CNNM4: variants seen among roughly 807,000 people sequenced by gnomAD.
The protein encoded by CNNM4 is metal transporter CNNM4.
Under a neutral mutation model 53.7 loss-of-function variants are expected in CNNM4, and 32 were observed. The observed-to-expected ratio is 0.60, with a 90% CI of 0.45 to 0.80. The LOEUF is 0.80. Ranked by LOEUF, CNNM4 falls within the 30% of genes least tolerant of loss-of-function variation. CNNM4 has a pLI of 0.00. For synonymous variants in CNNM4, 410 were observed against 440.0 expected (o/e 0.93, Z 0.85); for missense variants, 784 against 1,022.0 (o/e 0.77, Z 3.17).
intron 1 of CNNM4, among the ~76,000 whole-genome samples, chr2:96,791,250 A>G (rs2079059955): frequency 6.6e-6 from 1 of 152,242 alleles, no homozygotes; most frequent in Admixed American, 6.5e-5. Flanking sequence ...TTTCAGGTGT[A>G]AGCCACAGCG....
Position 96,767,008 on chromosome 2 carries a change from G to T in CNNM4, c.1402+4607G>T, listed in dbSNP as rs1288367303. Among the ~76,000 whole-genome samples the T allele has an allele frequency of 2.0e-5, 3 of 152,164 alleles. 1 individual carries two copies. In the East Asian group the frequency reaches 5.8e-4, roughly 29 times the overall value. On this transcript the variant is annotated intron_variant, in intron 1 of 6. Transcript: ENST00000377075. ...AGTGTGATGCATGGTTCCTCTCCAT[G>T]TGCCTCAGTTTCCCCACCAGTAAGT...
intron 5 of CNNM4, among the ~76,000 whole-genome samples, chr2:96,802,138 T>C (rs1156245100): frequency 1.4e-5 from 2 of 144,014 alleles, no homozygotes; most frequent in African/African-American, 5.2e-5. Context: ...GACACACAGA[T>C]ACCACACACA....
In CNNM4 at chr2:96,810,675, C is replaced by T. The variant is rs760774484; in HGVS notation, c.*1158C>T. Reference sequence around the variant, plus strand: ...GCCACGGAAGCAGGTTCTTTATGTCCTCTCCTCTGTGGCTGGCAAGGCTCA... The same window carrying T: ...GCCACGGAAGCAGGTTCTTTATGTCTTCTCCTCTGTGGCTGGCAAGGCTCA... On this transcript the variant is annotated 3_prime_UTR_variant, in exon 7 of 7. Coordinates refer to ENST00000377075, the MANE Select transcript of CNNM4 (RefSeq NM_020184.4). This position sits in a 1 kb window ranked among gnomAD's most constrained non-coding sequence, Gnocchi z 4.1. 3 of 152,284 alleles carry T rather than the reference C, an allele frequency of 2.0e-5. No individual in the cohort carries two copies. Among genetic ancestry groups the T allele is most frequent in the Non-Finnish European group, 4.4e-5 (3 of 68,060 alleles). The allele number at this position is 152,284 out of a possible 1,614,324, so 9.4% of individuals were successfully genotyped here.
intron 1 of CNNM4, among the ~76,000 whole-genome samples, chr2:96,763,850 A>T (rs2078787802): frequency 1.5e-5 from 2 of 134,820 alleles, no homozygotes; most frequent in Admixed American, 1.6e-4. Flanking sequence ...CTGGAGAGAC[A>T]GACCCCTAGT....
At chr2:96,806,535 A>ACACACACACACACACGCGCG (rs374638753) in intron 5 of CNNM4, among the ~76,000 whole-genome samples, 2 of 123,942 alleles carry the variant, frequency 1.6e-5, no homozygotes, top group African/African-American at 5.8e-5. Context: ...ACACACACAC[A>ACACACACACACACACGCGCG]CGCGCGCGCG....
chr2:96,802,243 A>C (rs1284134294), intron 5 of CNNM4, among the ~76,000 whole-genome samples: 1 of 152,118 alleles, frequency 6.6e-6, no homozygotes, highest in Non-Finnish European at 1.5e-5. Flanking sequence ...ACACAACCAC[A>C]GACACACACA....
intron 5 of CNNM4, among the ~76,000 whole-genome samples, chr2:96,806,506 A>AACACACACACACACACACACAC (rs151020163): frequency 3.7e-5 from 5 of 135,376 alleles, no homozygotes; most frequent in African/African-American, 1.4e-4. Flanking sequence ...CTAGCTATCC[A>AACACACACACACACACACACAC]ACACACACAC....
intron 1 of CNNM4, among the ~76,000 whole-genome samples, chr2:96,774,247 C>CAGGG (rs1349931883): frequency 6.6e-6 from 1 of 152,188 alleles, no homozygotes; most frequent in East Asian, 1.9e-4. Context: ...CCAGGTGTCT[C>CAGGG]AGGGAGGGAG....
At chr2:96,774,537 A>C (rs1307574616) in intron 1 of CNNM4, among the ~76,000 whole-genome samples, 9 of 152,220 alleles carry the variant, frequency 5.9e-5, no homozygotes, top group Non-Finnish European at 1.0e-4. Flanking sequence ...TAGATGGGAA[A>C]CTGAGGCTTA....
Position 96,797,692 on chromosome 2 carries a change from G to C in CNNM4, c.1681+45G>C, listed in dbSNP as rs770220478. On this transcript the variant is annotated intron_variant, in intron 3 of 6. Transcript: ENST00000377075. The surrounding 1 kb of genome is among the most constrained non-coding windows in gnomAD (Gnocchi z 6.0). The stretch of plus-strand genomic sequence containing the variant: ...CCGGTCTTGGTGGAAATACGGTCAC[G>C]GGGGAGAAGTCCTGGGTTTCCGGCT... The C allele has an allele frequency of 1.9e-6, 3 of 1,609,868 alleles. No individual in the cohort carries two copies. Among genetic ancestry groups the C allele is most frequent in the African/African-American group, 2.7e-5 (2 of 75,024 alleles).
intron 3 of CNNM4, 36 bp from the exon 4 acceptor site, chr2:96,799,021 A>G: frequency 6.2e-7 from 1 of 1,610,426 alleles, no homozygotes; most frequent in Non-Finnish European, 8.5e-7. Context: ...CCACCTGGCC[A>G]GCCCCGTGTG....
intron 1 of CNNM4, among the ~76,000 whole-genome samples, chr2:96,788,312 A>G (rs2079031863): frequency 6.7e-6 from 1 of 148,288 alleles, no homozygotes; most frequent in Non-Finnish European, 1.5e-5. Context: ...TAGCGAGTAT[A>G]GAGTGTATGG....
In CNNM4 at chr2:96,797,047, A is replaced by G; in HGVS notation, c.1438A>G (p.Asn480Asp). 1 of 1,613,890 alleles carries G rather than the reference A, an allele frequency of 6.2e-7. No homozygotes were observed. Among genetic ancestry groups the G allele is most frequent in the East Asian group, 2.2e-5 (1 of 44,868 alleles). Residue 480 changes from asparagine to aspartate, a missense_variant, in exon 2 of 7, where the codon AAC becomes GAC. By Grantham distance (23) the Asn-to-Asp change is conservative. Around this residue, in one of 3 missense-constraint regions of CNNM4, gnomAD observed 4 missense variants for 21.0 expected, o/e 0.19. Transcript: ENST00000377075. This position sits in a 1 kb window ranked among gnomAD's most constrained non-coding sequence, Gnocchi z 6.0. ...SHLAIVQKVN[N>D]EGEGDPFYEV... is the part of the protein sequence containing the mutation. Reference sequence around the variant, plus strand: ...CCTGGCCATCGTGCAGAAGGTAAACAACGAGGGTGAGGGTGACCCCTTCTA... The same window carrying G: ...CCTGGCCATCGTGCAGAAGGTAAACGACGAGGGTGAGGGTGACCCCTTCTA...
At chr2:96,809,162 G>T in intron 6 of CNNM4, 158 bp from the exon 7 acceptor site, 1 of 1,494,084 alleles carries the variant, frequency 6.7e-7, no homozygotes, top group Non-Finnish European at 9.0e-7. Flanking sequence ...TTCTTCTCTT[G>T]TTCGTGCACC....
intron 1 of CNNM4, among the ~76,000 whole-genome samples, chr2:96,789,927 G>A (rs1205752225): frequency 6.8e-6 from 1 of 146,960 alleles, no homozygotes; most frequent in South Asian, 2.2e-4. Context: ...TCCTGACCTC[G>A]TGATCCACCC....
intron 1 of CNNM4, among the ~76,000 whole-genome samples, chr2:96,763,910 T>G (rs2078788893): frequency 1.3e-5 from 2 of 150,696 alleles, no homozygotes; most frequent in African/African-American, 2.4e-5. Flanking sequence ...GCTTTGGGAG[T>G]GCAGACCCAG....
intron 5 of CNNM4, among the ~76,000 whole-genome samples, chr2:96,804,899 G>A (rs2079188370): frequency 6.6e-6 from 1 of 151,844 alleles, no homozygotes; most frequent in African/African-American, 2.4e-5. Flanking sequence ...GCTCATTCCT[G>A]TAATCCTAGC....
rs2079153623 is a variant in CNNM4, at chr2:96,801,091, G to A, written c.1948+1443G>A. The A allele has an allele frequency of 1.0e-6, 1 of 985,408 alleles. No homozygotes were observed. Among genetic ancestry groups the A allele is most frequent in the Non-Finnish European group, 1.2e-6 (1 of 829,906 alleles). 61.0% of individuals were successfully genotyped at this position (985,408 alleles called of 1,614,324 possible). ...CTCCAGTGCCTTCAGTCCAGGTCGG[G>A]TGTCCGCCTGGCAAGCGGAACTCCC... On this transcript the variant is annotated intron_variant, in intron 5 of 6. Coordinates refer to ENST00000377075, the MANE Select transcript of CNNM4 (RefSeq NM_020184.4). The surrounding 1 kb of genome is among the most constrained non-coding windows in gnomAD (Gnocchi z 5.6).
intron 1 of CNNM4, chr2:96,788,869 C>T (rs954219396): frequency 3.3e-5 from 5 of 152,238 alleles, no homozygotes; most frequent in African/African-American, 1.2e-4. Context: ...CTGGCTTTTC[C>T]CCATGAGAAA....
Sources: gnomAD v4.1 joint callset for allele counts (sites outside exome capture counted in the v4.1 genomes callset) on GRCh38, gnomAD v4.1.1 for gene constraint, gnomAD v4.1.1 regional missense constraint, Gnocchi (gnomAD v3.1) non-coding constraint, MANE v1.5 for transcripts, NCBI Gene and HGNC (gene_info 2026-07-23, HGNC 2026-07-21) for gene names.